EXOSC8: variants seen among roughly 807,000 people sequenced by gnomAD.
EXOSC8 encodes the protein exosome component 8.
Under a neutral mutation model 39.9 loss-of-function variants are expected in EXOSC8, and 37 were observed. The ratio of observed to expected loss-of-function variants is 0.93; its 90% CI spans 0.71 to 1.22. EXOSC8 has a LOEUF of 1.22. Ranked by LOEUF, EXOSC8 falls within the 50% of genes most tolerant of loss-of-function variation. EXOSC8 has a pLI of 0.00. For missense variants in EXOSC8, 313 were observed against 326.6 expected (o/e 0.96, Z 0.32); for synonymous variants, 93 against 109.5 (o/e 0.85, Z 0.94).
intron 7 of EXOSC8, 21 bp downstream of exon 7, chr13:37,006,181 A>C: frequency 6.5e-7 from 1 of 1,538,998 alleles, no homozygotes; most frequent in Non-Finnish European, 8.9e-7. Flanking sequence ...TAGAGAAGCT[A>C]TAAGTTCTTA....
In EXOSC8 at chr13:37,008,096, T is replaced by C. The variant is rs774971786; in HGVS notation, c.527T>C (p.Leu176Ser). 16 of 1,596,056 alleles carry C rather than the reference T, an allele frequency of 1.0e-5. No individual in the cohort carries two copies. In the South Asian group the frequency reaches 1.6e-4, roughly 16 times the overall value. The part of the protein sequence containing the change: ...PEVTINEETA[L>S]AEVNLKKKSY... ...GTTACTATAAATGAAGAAACTGCTT[T>C]AGCAGAAGTTAATTTAAAGAAGAAA... Residue 176 changes from leucine (L) to serine (S), a missense_variant, in exon 9 of 11, where the codon TTA (leucine) becomes TCA (serine). By Grantham distance (145) the Leu-to-Ser change is moderately radical (BLOSUM62 -2). Transcript: ENST00000389704.
At chr13:37,002,348 C>T (rs746982486) in intron 2 of EXOSC8, 39 bp downstream of exon 2, 16 of 1,528,982 alleles carry the variant, frequency 1.0e-5, no homozygotes, top group Admixed American at 1.0e-4. Flanking sequence ...GTTTTGATAA[C>T]GAGCTGCTTT....
chr13:37,006,372 C>G (rs1229788324), intron 7 of EXOSC8, among the ~76,000 whole-genome samples: 4 of 152,126 alleles, frequency 2.6e-5, no homozygotes, highest in Non-Finnish European at 1.5e-5. Flanking sequence ...AACTTACTGC[C>G]TGTCTGGGAG....
At chr13:37,000,962 G>A in intron 1 of EXOSC8, 140 bp downstream of exon 1, 3 of 1,077,192 alleles carry the variant, frequency 2.8e-6, no homozygotes, top group East Asian at 2.8e-5. Context: ...GACGATGGGC[G>A]GGAGGACCTG....
chr13:37,007,849 A>G (rs1216098185), intron 8 of EXOSC8, among the ~76,000 whole-genome samples: 1 of 152,192 alleles, frequency 6.6e-6, no homozygotes. Flanking sequence ...TTAAAAAAAA[A>G]TTATGCAATA....
intron 1 of EXOSC8, 75 bp from the exon 2 acceptor site, chr13:37,002,198 A>T (rs1173427690): frequency 9.7e-6 from 11 of 1,133,414 alleles, no homozygotes; most frequent in Non-Finnish European, 1.2e-5. Context: ...ACCACACTTA[A>T]GATCTTTGCC....
At chr13:37,008,911 A>G (rs2059181656) in intron 10 of EXOSC8, 76 bp downstream of exon 10, 2 of 908,556 alleles carry the variant, frequency 2.2e-6, no homozygotes, top group East Asian at 5.1e-5. Context: ...GGAGGGCCAA[A>G]TAGAATATGG....
chr13:37,006,122 A>G lies in EXOSC8; in HGVS notation c.352A>G (p.Ile118Val), dbSNP rs1332265571. ...FIADVIENSQ[I>V]IQKEDLCISP... is the part of the protein sequence containing the mutation. ...CTTTGTCATTAAATCAAGTTCACAG[A>G]TAATTCAGAAAGAGGACTTATGCAT... Residue 118 changes from isoleucine (I) to valine (V), a missense_variant, in exon 7 of 11, where the codon ATA becomes GTA. Physicochemically the swap from Ile to Val is conservative, Grantham distance 29 (BLOSUM62 3). Coordinates refer to ENST00000389704, the MANE Select transcript of EXOSC8 (RefSeq NM_181503.3). 1.9e-6 allele frequency: 3 copies of G among 1,610,192 alleles called. No homozygotes were observed. Among genetic ancestry groups the G allele is most frequent in the Admixed American group, 1.7e-5 (1 of 59,946 alleles).
chr13:37,005,230 C>CCAA (rs2059130476), intron 5 of EXOSC8, among the ~76,000 whole-genome samples: 1 of 152,022 alleles, frequency 6.6e-6, no homozygotes. Context: ...TGCCTTGGAA[C>CCAA]CATCTGTTCT....
At chr13:37,008,003 GAAAT>G in intron 8 of EXOSC8, 50 bp from the exon 9 acceptor site, 1 of 1,313,624 alleles carries the variant, frequency 7.6e-7, no homozygotes, top group South Asian at 1.3e-5. Flanking sequence ...AAAAAGCTTA[GAAAT>G]CATTTGTTTC....
chr13:37,007,421 T>C (rs1322415966), intron 8 of EXOSC8, among the ~76,000 whole-genome samples: 1 of 152,192 alleles, frequency 6.6e-6, no homozygotes, highest in Non-Finnish European at 1.5e-5. Flanking sequence ...TAGAATGGAT[T>C]CTGTTGTTTT....
At chr13:37,005,280 AGTTGGATGT>A (rs1411987932) in intron 5 of EXOSC8, among the ~76,000 whole-genome samples, 1 of 152,216 alleles carries the variant, frequency 6.6e-6, no homozygotes, top group African/African-American at 2.4e-5. Flanking sequence ...TGAGAAAAAC[AGTTGGATGT>A]TAGCAGAGGG....
chr13:37,005,392 T>A (rs2059131584), intron 5 of EXOSC8, among the ~76,000 whole-genome samples: 1 of 152,104 alleles, frequency 6.6e-6, no homozygotes, highest in African/African-American at 2.4e-5. Flanking sequence ...ATAGATTTTT[T>A]AAAAAGGCAT....
chr13:37,004,395 GAGGCC>G, intron 4 of EXOSC8, 116 bp from the exon 5 acceptor site: 1 of 675,440 alleles, frequency 1.5e-6, no homozygotes, highest in South Asian at 1.8e-5. Flanking sequence ...AATGTCCGTA[GAGGCC>G]CTGACACAAT....
At chr13:37,007,143 T>C in intron 8 of EXOSC8, 72 bp downstream of exon 8, 1 of 953,464 alleles carries the variant, frequency 1.0e-6, no homozygotes, top group Non-Finnish European at 1.7e-6. Flanking sequence ...ACTTTTAATG[T>C]ACATTTGCTT....
In EXOSC8 at chr13:37,009,361, C is replaced by A; in HGVS notation, c.*62C>A. Reference sequence around the variant, plus strand: ...TGTATTTGTTAACACTGTGCACAAACGTTTTATACTAAATAAATATCAAAC... The same window carrying A: ...TGTATTTGTTAACACTGTGCACAAAAGTTTTATACTAAATAAATATCAAAC... On this transcript the variant is annotated 3_prime_UTR_variant, in exon 11 of 11. Coordinates refer to ENST00000389704, the MANE Select transcript of EXOSC8 (RefSeq NM_181503.3). 1 of 902,158 alleles carries A rather than the reference C, an allele frequency of 1.1e-6. No individual in the cohort carries two copies. The highest frequency in any genetic ancestry group is 1.8e-6 in the Non-Finnish European group (1 of 569,320). 55.9% of individuals were successfully genotyped at this position (902,158 alleles called of 1,614,324 possible). A position where few individuals can be genotyped will look rare whatever the true frequency, so the allele number is the denominator to read the frequency against.
intron 1 of EXOSC8, chr13:37,001,502 A>C (rs2059104784): frequency 6.6e-6 from 1 of 152,132 alleles, no homozygotes; most frequent in African/African-American, 2.4e-5. Flanking sequence ...CCTCGTTTGG[A>C]AGGTTTTTGT....
rs1247503434 is a variant in EXOSC8, at chr13:37,008,185, A to C, written c.608+8A>C. 6.3e-7 allele frequency: 1 copy of C among 1,586,624 alleles called. No individual in the cohort carries two copies. Among genetic ancestry groups the C allele is most frequent in the Non-Finnish European group, 8.6e-7 (1 of 1,165,766 alleles). Reference sequence around the variant, plus strand: ...CTTTGCTGTGTTTGATGAGTAAGTTAATCAAACTTACTTTAAAATTTTCTA... The same window carrying C: ...CTTTGCTGTGTTTGATGAGTAAGTTCATCAAACTTACTTTAAAATTTTCTA... On this transcript the variant is annotated splice_region_variant and intron_variant, in intron 9 of 10. Coordinates refer to ENST00000389704, the MANE Select transcript of EXOSC8 (RefSeq NM_181503.3).
In EXOSC8 at chr13:37,002,291, G is replaced by GT. The variant is rs762962778; in HGVS notation, c.37dup (p.Tyr13LeufsTer13). ...GTTTCAGAACCGTGGAACCTCTGGA[G>GT]TATTACAGGAGATTTCTGGTGAGTA... On this transcript the variant is annotated frameshift_variant, in exon 2 of 11. Transcript: ENST00000389704. LOFTEE classifies it high-confidence loss of function. The GT allele has an allele frequency of 3.1e-6, 5 of 1,609,490 alleles. No individual in the cohort carries two copies. The African/African-American group carries it at 6.7e-5, about 22-fold the overall frequency.
Sources: gnomAD v4.1 joint callset for allele counts (sites outside exome capture counted in the v4.1 genomes callset) on GRCh38, gnomAD v4.1.1 for gene constraint, MANE v1.5 for transcripts, NCBI Gene and HGNC (gene_info 2026-07-23, HGNC 2026-07-21) for gene names.